Variants in PCDHGA5 observed in about 807,000 individuals in gnomAD.
The protein encoded by PCDHGA5 is protocadherin gamma subfamily A, 5, also known as protocadherin gamma-A5.
Under a neutral mutation model 56.7 loss-of-function variants are expected in PCDHGA5, and 36 were observed. The observed-to-expected ratio is 0.64, with a 90% CI of 0.49 to 0.84. The LOEUF is 0.84. PCDHGA5 is among the 40% of genes least tolerant of loss of function. PCDHGA5 has a pLI of 0.00. For synonymous variants in PCDHGA5, 563 were observed against 520.2 expected, an observed-to-expected ratio of 1.08 and a Z score of -1.12; for missense variants, 1,305 against 1,201.5, an observed-to-expected ratio of 1.09 and a Z score of -1.27.
intron 1 of PCDHGA5, among the ~76,000 whole-genome samples, chr5:141,483,778 G>T (rs1012545478): frequency 1.6e-4 from 24 of 152,222 alleles, no homozygotes; most frequent in African/African-American, 5.8e-4. Context: ...ATTGGGGAAG[G>T]ATAAGAACTC....
chr5:141,491,937 AC>A lies in PCDHGA5; in HGVS notation c.2422-2865del. ...CTGTGGGCGAGGGGAGGTGGGACCG[AC>A]CCCCACCCCTACACTCAAAAAAGGC... On this transcript the variant is annotated intron_variant, in intron 1 of 3. Transcript: ENST00000518069. This position sits in a 1 kb window ranked among gnomAD's most constrained non-coding sequence, Gnocchi z 6.9. The A allele has an allele frequency of 3.4e-6, 4 of 1,164,304 alleles. No homozygotes were observed. Among genetic ancestry groups the A allele is most frequent in the Non-Finnish European group, 4.7e-6 (4 of 858,404 alleles). The allele number at this position is 1,164,304 out of a possible 1,614,324, so 72.1% of individuals were successfully genotyped here.
chr5:141,408,889 A>G, intron 1 of PCDHGA5: 1 of 1,613,232 alleles, frequency 6.2e-7, no homozygotes, highest in Non-Finnish European at 8.5e-7. Flanking sequence ...CTCACATAGA[A>G]ATTTCTGTCA....
In PCDHGA5 at chr5:141,487,169, G is replaced by A. The variant is rs1259980100; in HGVS notation, c.2422-7638G>A. On this transcript the variant is annotated intron_variant, in intron 1 of 3. Coordinates refer to ENST00000518069, the MANE Select transcript of PCDHGA5 (RefSeq NM_018918.3). The surrounding 1 kb of genome is among the most constrained non-coding windows in gnomAD (Gnocchi z 5.0). ...CTCTGTTACTCTCTTAGTGTCCTTA[G>A]AGGAAGACACTCATCCAGTTGTCCC... 6.2e-7 allele frequency: 1 copy of A among 1,613,086 alleles called. No homozygotes were observed. Among genetic ancestry groups the A allele is most frequent in the South Asian group, 1.1e-5 (1 of 91,072 alleles).
At chr5:141,403,913 G>A (rs567115998) in intron 1 of PCDHGA5, 5 of 1,613,844 alleles carry the variant, frequency 3.1e-6, no homozygotes, top group Non-Finnish European at 8.5e-7. Context: ...GGAAATACAA[G>A]CTGAAGATGG....
intron 1 of PCDHGA5, chr5:141,382,935 A>G: frequency 6.3e-7 from 1 of 1,589,148 alleles, no homozygotes; most frequent in Admixed American, 1.7e-5. Flanking sequence ...ACTACAGAGG[A>G]TTCTTCCTGC....
intron 1 of PCDHGA5, chr5:141,419,781 G>T: frequency 6.2e-7 from 1 of 1,614,032 alleles, no homozygotes; most frequent in Non-Finnish European, 8.5e-7. Context: ...GTCCGCCAGC[G>T]CCTGCTAGTC....
chr5:141,376,204 C>A lies in PCDHGA5; in HGVS notation c.2421+9453C>A, dbSNP rs185484474. 2.5e-6 allele frequency: 4 copies of A among 1,614,198 alleles called. No individual in the cohort carries two copies. In the African/African-American group the frequency reaches 5.3e-5, roughly 22 times the overall value. On this transcript the variant is annotated intron_variant, in intron 1 of 3. Coordinates refer to ENST00000518069, the MANE Select transcript of PCDHGA5 (RefSeq NM_018918.3). The stretch of plus-strand genomic sequence containing the variant: ...CGGTCTCCTGCGTCTTCCTGGCCTT[C>A]GTCATCGTGCTGCTGGCGCTCAGAC...
intron 1 of PCDHGA5, chr5:141,384,634 C>T: frequency 6.2e-7 from 1 of 1,614,208 alleles, no homozygotes; most frequent in Non-Finnish European, 8.5e-7. Flanking sequence ...GGAGCTGGCA[C>T]CCCGCTCCGC....
chr5:141,429,450 A>G (rs1326036711), intron 1 of PCDHGA5, among the ~76,000 whole-genome samples: 1 of 152,114 alleles, frequency 6.6e-6, no homozygotes, highest in East Asian at 1.9e-4. Context: ...CTTGGGCTAC[A>G]GTAATCCTCC....
chr5:141,421,348 G>C lies in PCDHGA5; in HGVS notation c.2421+54597G>C, dbSNP rs202220769. On this transcript the variant is annotated intron_variant, in intron 1 of 3. Coordinates refer to ENST00000518069, the MANE Select transcript of PCDHGA5 (RefSeq NM_018918.3). ...CCGATATTCGGTGCCAGAAGAGACC[G>C]AAAAGGGCTCCTTCGTGGGCAATAT... 9.1e-5 allele frequency: 147 copies of C among 1,613,862 alleles called. No individual in the cohort carries two copies. Among genetic ancestry groups the C allele is most frequent in the Non-Finnish European group, 1.1e-4 (125 of 1,179,904 alleles).
rs758782567 is a variant in PCDHGA5, at chr5:141,486,792, G to A, written c.2422-8015G>A. ...CAGTTTGAGGTGCAGGCCCGGGATCGGGGCAACCCACCCCTTAGCAGCACT... is the reference window on the plus strand; with the variant it reads ...CAGTTTGAGGTGCAGGCCCGGGATCAGGGCAACCCACCCCTTAGCAGCACT... On this transcript the variant is annotated intron_variant, in intron 1 of 3. Coordinates refer to ENST00000518069, the MANE Select transcript of PCDHGA5 (RefSeq NM_018918.3). This position sits in a 1 kb window ranked among gnomAD's most constrained non-coding sequence, Gnocchi z 5.0. The A allele has an allele frequency of 3.7e-5, 59 of 1,614,094 alleles. No homozygotes were observed. The Middle Eastern group carries it at 4.9e-4, about 13-fold the overall frequency.
chr5:141,377,665 G>T (rs1040007479), intron 1 of PCDHGA5: 1 of 151,618 alleles, frequency 6.6e-6, no homozygotes, highest in Admixed American at 6.6e-5. Flanking sequence ...AACGACAGAC[G>T]TTCATACAAG....
In PCDHGA5 at chr5:141,487,000, G is replaced by T. The variant is rs1410493699; in HGVS notation, c.2422-7807G>T. 2 of 1,614,076 alleles carry T rather than the reference G, an allele frequency of 1.2e-6. No homozygotes were observed. Among genetic ancestry groups the T allele is most frequent in the Non-Finnish European group, 1.7e-6 (2 of 1,180,044 alleles). On this transcript the variant is annotated intron_variant, in intron 1 of 3. Coordinates refer to ENST00000518069, the MANE Select transcript of PCDHGA5 (RefSeq NM_018918.3). The surrounding 1 kb of genome is among the most constrained non-coding windows in gnomAD (Gnocchi z 5.0). Reference sequence around the variant, plus strand: ...GTTACAATGCTTGGGTTTCCTATCAGCTCCTGGAGGCCCCAGATCCCAGCC... The same window carrying T: ...GTTACAATGCTTGGGTTTCCTATCATCTCCTGGAGGCCCCAGATCCCAGCC...
intron 1 of PCDHGA5, among the ~76,000 whole-genome samples, chr5:141,460,508 G>C (rs1390313220): frequency 6.6e-6 from 1 of 152,040 alleles, no homozygotes; most frequent in East Asian, 1.9e-4. Context: ...TGCTGAGAAG[G>C]CTATCTTTTC....
intron 1 of PCDHGA5, chr5:141,414,617 T>C: frequency 6.2e-7 from 1 of 1,614,002 alleles, no homozygotes; most frequent in Non-Finnish European, 8.5e-7. Flanking sequence ...GTGACAGCGC[T>C]GGACCCGGAC....
chr5:141,488,677 G>A (rs2099678276), intron 1 of PCDHGA5, among the ~76,000 whole-genome samples: 2 of 152,184 alleles, frequency 1.3e-5, no homozygotes, highest in African/African-American at 2.4e-5. Context: ...CATGGGCTTT[G>A]CCTCTCCCAG....
At chr5:141,467,055 C>CTTTTTTTTTTTT (rs1193465269) in intron 1 of PCDHGA5, among the ~76,000 whole-genome samples, 1 of 134,498 alleles carries the variant, frequency 7.4e-6, no homozygotes. Context: ...TCAATGTTTT[C>CTTTTTTTTTTTT]TTTTTTTTTT....
chr5:141,506,896 T>C (rs1417106112), intron 3 of PCDHGA5, among the ~76,000 whole-genome samples: 3 of 152,158 alleles, frequency 2.0e-5, no homozygotes, highest in African/African-American at 7.2e-5. Flanking sequence ...CAAGAAGCAC[T>C]GTCATCACAC....
At position 141,485,227 on chromosome 5, in the gene PCDHGA5, G is replaced by C. The variant is rs2099609828; in HGVS notation, c.2422-9580G>C. 1 of 1,614,186 alleles carries C rather than the reference G, an allele frequency of 6.2e-7. No individual in the cohort carries two copies. Among genetic ancestry groups the C allele is most frequent in the Non-Finnish European group, 8.5e-7 (1 of 1,180,020 alleles). On this transcript the variant is annotated intron_variant, in intron 1 of 3. Transcript: ENST00000518069. The surrounding 1 kb of genome is among the most constrained non-coding windows in gnomAD (Gnocchi z 5.7). The stretch of plus-strand genomic sequence containing the variant: ...AAATCTGGCGGTGGGCTACCCTTTT[G>C]TTCCTCTTTTACCACCTGGGTTACG...
Sources: gnomAD v4.1 joint callset for allele counts (sites outside exome capture counted in the v4.1 genomes callset) on GRCh38, gnomAD v4.1.1 for gene constraint, Gnocchi (gnomAD v3.1) non-coding constraint, MANE v1.5 for transcripts, NCBI Gene and HGNC (gene_info 2026-07-23, HGNC 2026-07-21) for gene names.